NBEA: variants seen among roughly 807,000 people sequenced by gnomAD.
The protein encoded by NBEA is neurobeachin.
Under a neutral mutation model 343.4 loss-of-function variants are expected in NBEA, and 44 were observed. That is an observed-to-expected ratio of 0.13 (90% confidence interval 0.10 to 0.16). The LOEUF (loss-of-function observed/expected upper bound fraction) is 0.16, where lower values mean the gene tolerates loss of function less well. Ranked by LOEUF, NBEA falls within the 10% of genes least tolerant of loss-of-function variation. The pLI, the probability that NBEA is intolerant of heterozygous loss-of-function variation, is 1.00. For synonymous variants in NBEA, 1,175 were observed against 1,238.7 expected (o/e 0.95, Z 1.08); for missense variants, 2,555 against 3,631.3 (o/e 0.70, Z 7.62).
At chr13:35,032,212 T>G (rs1257627182) in intron 1 of NBEA, among the ~76,000 whole-genome samples, 2 of 151,958 alleles carry the variant, frequency 1.3e-5, no homozygotes, top group Admixed American at 1.3e-4. Context: ...TTTAGCTGTT[T>G]GAGGAATCGC....
chr13:35,373,023 C>A (rs2041531125), intron 38 of NBEA, among the ~76,000 whole-genome samples: 1 of 152,156 alleles, frequency 6.6e-6, no homozygotes, highest in Non-Finnish European at 1.5e-5. Flanking sequence ...ATCAGAGCCT[C>A]CAAGGGCCAA....
chr13:35,458,599 A>G (rs2046715665), intron 40 of NBEA, among the ~76,000 whole-genome samples: 1 of 152,204 alleles, frequency 6.6e-6, no homozygotes, highest in Non-Finnish European at 1.5e-5. Flanking sequence ...AATAATTTCA[A>G]TAGCTCATAA....
chr13:35,512,254 G>A (rs2077304183), intron 41 of NBEA, among the ~76,000 whole-genome samples: 1 of 152,116 alleles, frequency 6.6e-6, no homozygotes, highest in African/African-American at 2.4e-5. Context: ...AGTATTTTTT[G>A]AGGATTACCT....
intron 38 of NBEA, among the ~76,000 whole-genome samples, chr13:35,368,821 TA>T (rs1432945667): frequency 1.3e-5 from 2 of 151,710 alleles, no homozygotes; most frequent in Non-Finnish European, 3.0e-5. Flanking sequence ...GGCAATTTGT[TA>T]ATGATATAAA....
intron 8 of NBEA, among the ~76,000 whole-genome samples, chr13:35,063,945 C>T (rs563728465): frequency 6.6e-6 from 1 of 151,840 alleles, no homozygotes; most frequent in Non-Finnish European, 1.5e-5. Flanking sequence ...GAATTTTAGG[C>T]TGAAAAACTG....
At chr13:35,022,366 A>G (rs1254679664) in intron 1 of NBEA, among the ~76,000 whole-genome samples, 1 of 152,066 alleles carries the variant, frequency 6.6e-6, no homozygotes, top group Non-Finnish European at 1.5e-5. Flanking sequence ...TTGTAGCAGC[A>G]TTTGATATAC....
chr13:35,630,388 GTAAAAAT>G (rs932189715), intron 49 of NBEA, among the ~76,000 whole-genome samples: 7 of 152,136 alleles, frequency 4.6e-5, no homozygotes, highest in East Asian at 1.9e-4. Flanking sequence ...AATTTAAAAT[GTAAAAAT>G]TAAAAATTAA....
At chr13:35,486,815 A>G (rs1566208036) in intron 41 of NBEA, among the ~76,000 whole-genome samples, 2 of 152,044 alleles carry the variant, frequency 1.3e-5, no homozygotes, top group Non-Finnish European at 2.9e-5. Flanking sequence ...TTTTATAAGG[A>G]TAATGTATTG....
chr13:35,390,069 G>A (rs1320593715), intron 38 of NBEA, among the ~76,000 whole-genome samples: 1 of 147,680 alleles, frequency 6.8e-6, no homozygotes, highest in Admixed American at 6.9e-5. Flanking sequence ...TTTTTTCTAA[G>A]ATTATTTTGA....
At chr13:34,946,113 T>A (rs1424452288) in intron 1 of NBEA, among the ~76,000 whole-genome samples, 3 of 152,164 alleles carry the variant, frequency 2.0e-5, no homozygotes, top group East Asian at 1.9e-4. Context: ...GGAAGGTAGG[T>A]AAATTAGTTT....
At chr13:35,322,827 T>A (rs1389547623) in intron 36 of NBEA, among the ~76,000 whole-genome samples, 1 of 152,174 alleles carries the variant, frequency 6.6e-6, no homozygotes, top group Non-Finnish European at 1.5e-5. Flanking sequence ...TATTTCAAAA[T>A]TTGTGATCAT....
At chr13:35,653,129 A>G (rs1212232659) in intron 53 of NBEA, among the ~76,000 whole-genome samples, 1 of 152,128 alleles carries the variant, frequency 6.6e-6, no homozygotes, top group African/African-American at 2.4e-5. Flanking sequence ...TCGTGTACAT[A>G]TTTATTAGCC....
rs555807561 is a variant in NBEA, at chr13:34,985,422, G to A, written c.294+42308G>A. 3.2e-4 allele frequency among the ~76,000 whole-genome samples: 49 copies of A among 151,162 alleles called. 1 individual carries two copies. The highest frequency in any genetic ancestry group is 1.1e-3 in the African/African-American group (44 of 41,470). The stretch of plus-strand genomic sequence containing the variant: ...TTGTGCTGAATAAGCTTTTTCATGT[G>A]TTGCTGGATTTGGTTTGCCAGTATT... On this transcript the variant is annotated intron_variant, in intron 1 of 58. Coordinates refer to ENST00000379939, the MANE Select transcript of NBEA (RefSeq NM_001385012.1).
In NBEA at chr13:35,058,827, G is replaced by A. The variant is rs771832579; in HGVS notation, c.1203G>A (p.Gln401=). ...TCAGTGAAGCACTCAACCCAGCACAGATATTTGCAATTCATCAGTTAGGAC... is the reference window on the plus strand; with the variant it reads ...TCAGTGAAGCACTCAACCCAGCACAAATATTTGCAATTCATCAGTTAGGAC... The part of the protein sequence containing the change: ...YVFSEALNPA[Q]IFAIHQLGPG... Residue 401 remains glutamine (Q), a synonymous_variant, in exon 8 of 59, where the codon CAG becomes CAA. Coordinates refer to ENST00000379939, the MANE Select transcript of NBEA (RefSeq NM_001385012.1). 3.1e-6 allele frequency: 5 copies of A among 1,606,984 alleles called. No homozygotes were observed. The highest frequency in any genetic ancestry group is 2.2e-5 in the East Asian group (1 of 44,470).
intron 41 of NBEA, among the ~76,000 whole-genome samples, chr13:35,514,591 A>G (rs564311411): frequency 6.6e-6 from 1 of 152,274 alleles, no homozygotes; most frequent in East Asian, 1.9e-4. Flanking sequence ...TGAGAAAAAA[A>G]TATTTTCATC....
chr13:35,472,261 G>T, intron 40 of NBEA, 139 bp from the exon 41 acceptor site: 1 of 827,946 alleles, frequency 1.2e-6, no homozygotes, highest in Non-Finnish European at 1.8e-6. Flanking sequence ...TATCTTACGT[G>T]AAAAAAGAGT....
chr13:35,224,664 T>C (rs1387784691), intron 33 of NBEA, among the ~76,000 whole-genome samples: 4 of 152,174 alleles, frequency 2.6e-5, no homozygotes, highest in African/African-American at 4.8e-5. Context: ...GTTGTCTGCC[T>C]TTTCAGCTAT....
chr13:35,521,056 A>G (rs888273389), intron 41 of NBEA, among the ~76,000 whole-genome samples: 3 of 152,072 alleles, frequency 2.0e-5, no homozygotes, highest in African/African-American at 7.2e-5. Flanking sequence ...GAGCATTTTC[A>G]TTGCTGGGTG....
intron 45 of NBEA, 21 bp downstream of exon 45, chr13:35,567,038 A>C (rs1439932704): frequency 7.5e-7 from 1 of 1,336,968 alleles, no homozygotes; most frequent in Non-Finnish European, 1.1e-6. Flanking sequence ...AATATATAGA[A>C]GTCAGCTTTC....
Sources: gnomAD v4.1 joint callset for allele counts (sites outside exome capture counted in the v4.1 genomes callset) on GRCh38, gnomAD v4.1.1 for gene constraint, MANE v1.5 for transcripts, NCBI Gene and HGNC (gene_info 2026-07-23, HGNC 2026-07-21) for gene names.